The following UBOX5 variants were observed in gnomAD, a reference collection of about 807,000 sequenced individuals.
The protein encoded by UBOX5 is U-box domain containing 5.
In UBOX5, 28 loss-of-function variants were observed where a neutral mutation model predicts 39.0. That is an observed-to-expected ratio of 0.72 (90% CI 0.53 to 0.98). UBOX5 has a LOEUF of 0.98. Ranked by LOEUF, UBOX5 falls within the 50% of genes least tolerant of loss-of-function variation. The pLI is 0.00. For missense variants in UBOX5, 585 were observed against 674.4 expected, an observed-to-expected ratio of 0.87 and a Z score of 1.47; for synonymous variants, 283 against 275.5, an observed-to-expected ratio of 1.03 and a Z score of -0.27.
intron 1 of UBOX5, among the ~76,000 whole-genome samples, chr20:3,156,156 T>TCAATTAA (rs992151833): frequency 3.1e-4 from 47 of 150,110 alleles, no homozygotes; most frequent in African/African-American, 1.1e-3. Flanking sequence ...AGATGCTCAG[T>TCAATTAA]CAATTAACTT....
chr20:3,121,404 G>A lies in UBOX5; in HGVS notation c.1235C>T (p.Thr412Ile), dbSNP rs2066334336. 2 of 1,612,952 alleles carry A rather than the reference G, an allele frequency of 1.2e-6. No individual in the cohort carries two copies. The highest frequency in any genetic ancestry group is 1.7e-6 in the Non-Finnish European group (2 of 1,179,374). The change falls in exon 3 of 5, where the codon ACA (threonine) becomes ATA (isoleucine). Residue 412 changes from threonine to isoleucine, a missense_variant. Thr to Ile is a moderately conservative substitution (Grantham distance 89). Transcript: ENST00000217173. ...ATTACCTGTCGAGCAGTCCATATGT[G>A]TCAGGCTGGGCTCATTGGTGGCTTT... ...KMKATNEPSL[T>I]HMDCSTGPLS...
At chr20:3,148,045 G>T in intron 1 of UBOX5, 3 of 1,614,170 alleles carry the variant, frequency 1.9e-6, no homozygotes, top group Non-Finnish European at 2.5e-6. Context: ...CACAAGCCAA[G>T]TCTCCAATTT....
chr20:3,137,613 T>C (rs770544835), intron 1 of UBOX5, among the ~76,000 whole-genome samples: 1 of 152,236 alleles, frequency 6.6e-6, no homozygotes, highest in Non-Finnish European at 1.5e-5. Flanking sequence ...ACCAGCCTAC[T>C]GATACTGGTA....
rs144424752 is a variant in UBOX5 at position 3,122,340 on chromosome 20, C to T, written c.299G>A (p.Arg100Gln). 42 of 1,614,178 alleles carry T rather than the reference C, an allele frequency of 2.6e-5. No homozygotes were observed. Among genetic ancestry groups the T allele is most frequent in the East Asian group, 8.9e-5 (4 of 44,880 alleles). The change falls in exon 3 of 5, where the codon CGG becomes CAG. Residue 100 changes from arginine (R) to glutamine (Q), a missense_variant. Arg to Gln is a conservative substitution (Grantham distance 43). Transcript: ENST00000217173. ...SRVSWNTPQCRTLGPAEPSVP... is the reference protein window; with the variant it reads ...SRVSWNTPQCQTLGPAEPSVP... ...AGATGGCTCAGCTGGGCCCAGGGTCCGGCACTGGGGCGTATTCCAAGACAC... is the reference window on the plus strand; with the variant it reads ...AGATGGCTCAGCTGGGCCCAGGGTCTGGCACTGGGGCGTATTCCAAGACAC...
At chr20:3,148,030 G>A (rs1206824181) in intron 1 of UBOX5, 1 of 1,614,056 alleles carries the variant, frequency 6.2e-7, no homozygotes, top group African/African-American at 1.3e-5. Context: ...GATGCTGAAT[G>A]TTAGCACAAG....
At position 3,107,728 on chromosome 20, in the gene UBOX5, C is replaced by T. The variant is rs1454420292; in HGVS notation, c.*2378G>A. On this transcript the variant is annotated 3_prime_UTR_variant, in exon 5 of 5. Coordinates refer to ENST00000217173, the MANE Select transcript of UBOX5 (RefSeq NM_014948.4). The surrounding 1 kb of genome is among the most constrained non-coding windows in gnomAD (Gnocchi z 5.0). ...CACACGCAACTCCTGGGGGTGGCTCCACCTGTACCCAGGACAGGGCCTGCC... is the reference window on the plus strand; with the variant it reads ...CACACGCAACTCCTGGGGGTGGCTCTACCTGTACCCAGGACAGGGCCTGCC... 6.6e-6 allele frequency: 1 copy of T among 152,190 alleles called. No homozygotes were observed. The highest frequency in any genetic ancestry group is 2.4e-5 in the African/African-American group (1 of 41,424). The allele number at this position is 152,190 out of a possible 1,614,324, so 9.4% of individuals were successfully genotyped here. A position where few individuals can be genotyped will look rare whatever the true frequency, so the allele number is the denominator to read the frequency against.
At position 3,109,636 on chromosome 20, in the gene UBOX5, G is replaced by A. The variant is rs141695693; in HGVS notation, c.*470C>T. On this transcript the variant is annotated 3_prime_UTR_variant, in exon 5 of 5. Coordinates refer to ENST00000217173, the MANE Select transcript of UBOX5 (RefSeq NM_014948.4). ...CAGACGTCAACCATCGCTTTATTAA[G>A]GCTGCGAGTCGGGGGGCTGAGTCAT... 5.4e-6 allele frequency: 1 copy of A among 184,592 alleles called. No individual in the cohort carries two copies. The highest frequency in any genetic ancestry group is 1.3e-4 in the East Asian group (1 of 7,648). The allele number at this position is 184,592 out of a possible 1,614,324, so 11.4% of individuals were successfully genotyped here. A position where few individuals can be genotyped will look rare whatever the true frequency, so the allele number is the denominator to read the frequency against.
intron 3 of UBOX5, chr20:3,116,824 A>T (rs770421933): frequency 1.3e-5 from 2 of 152,272 alleles, no homozygotes; most frequent in Non-Finnish European, 2.9e-5. Context: ...GGCCAGGCAC[A>T]GTGGCTCACA....
At chr20:3,144,332 C>T (rs918535683) in intron 1 of UBOX5, among the ~76,000 whole-genome samples, 1 of 152,114 alleles carries the variant, frequency 6.6e-6, no homozygotes, top group African/African-American at 2.4e-5. Context: ...AATAACCCCC[C>T]ACATGTATGG....
intron 1 of UBOX5, among the ~76,000 whole-genome samples, chr20:3,127,587 G>A (rs1447422260): frequency 3.3e-5 from 5 of 152,014 alleles, no homozygotes; most frequent in Admixed American, 1.3e-4. Context: ...TCACATCACC[G>A]AGAGCAAAGC....
chr20:3,147,642 G>A, intron 1 of UBOX5: 1 of 1,614,238 alleles, frequency 6.2e-7, no homozygotes, highest in Admixed American at 1.7e-5. Context: ...GCCAGGCCCA[G>A]CAGGCAGGTG....
At chr20:3,136,343 ATTGT>A (rs996027171) in intron 1 of UBOX5, among the ~76,000 whole-genome samples, 4 of 150,868 alleles carry the variant, frequency 2.7e-5, no homozygotes, top group African/African-American at 4.9e-5. Flanking sequence ...TTTCTAAGAG[ATTGT>A]TTATTTTTAT....
chr20:3,111,902 G>T (rs1447326945), intron 4 of UBOX5: 2 of 152,198 alleles, frequency 1.3e-5, no homozygotes, highest in African/African-American at 4.8e-5. Flanking sequence ...TCTACACTCG[G>T]GCACCAGGCA....
chr20:3,147,757 T>C (rs3746698), intron 1 of UBOX5: 16,805 of 1,614,154 alleles, frequency 0.01, 253 homozygotes, highest in South Asian at 0.051. Flanking sequence ...AATTCAGAGT[T>C]CCAAATGACC....
intron 1 of UBOX5, among the ~76,000 whole-genome samples, chr20:3,146,045 C>CAAA (rs58783186): frequency 2.0e-5 from 2 of 102,328 alleles, no homozygotes; most frequent in Non-Finnish European, 2.0e-5. Context: ...GACTCCGTCT[C>CAAA]AAAAAAAAAA....
chr20:3,147,217 A>C, intron 1 of UBOX5: 1 of 1,614,214 alleles, frequency 6.2e-7, no homozygotes, highest in Non-Finnish European at 8.5e-7. Context: ...CCACATGCTC[A>C]AGCCTTAATT....
Position 3,110,063 on chromosome 20 carries a change from A to G in UBOX5, c.*43T>C. On this transcript the variant is annotated 3_prime_UTR_variant, in exon 5 of 5. Coordinates refer to ENST00000217173, the MANE Select transcript of UBOX5 (RefSeq NM_014948.4). Reference sequence around the variant, plus strand: ...TGTGGCCCTGCTCCTGTTCCCCCTCAGCTCCTCCCAGCAATGGGTCTCCTC... The same window carrying G: ...TGTGGCCCTGCTCCTGTTCCCCCTCGGCTCCTCCCAGCAATGGGTCTCCTC... 1 of 1,602,554 alleles carries G rather than the reference A, an allele frequency of 6.2e-7. No homozygotes were observed. Among genetic ancestry groups the G allele is most frequent in the Non-Finnish European group, 8.5e-7 (1 of 1,178,300 alleles).
intron 1 of UBOX5, chr20:3,146,716 T>C: frequency 6.6e-7 from 1 of 1,521,052 alleles, no homozygotes; most frequent in Non-Finnish European, 8.8e-7. Flanking sequence ...ATAATCATTT[T>C]GCAACACCTG....
intron 1 of UBOX5, chr20:3,146,990 C>T (rs140280632): frequency 6.2e-7 from 1 of 1,614,164 alleles, no homozygotes; most frequent in African/African-American, 1.3e-5. Context: ...CAGCTTCATT[C>T]TTGGGGTCTG....
Sources: allele counts gnomAD v4.1 joint callset (sites outside exome capture counted in the v4.1 genomes callset), GRCh38; gene constraint gnomAD v4.1.1; non-coding constraint Gnocchi (gnomAD v3.1); transcripts MANE v1.5; gene names NCBI Gene and HGNC (gene_info 2026-07-23, HGNC 2026-07-21).